The following EFCAB6 variants were observed in gnomAD, a reference collection of about 807,000 sequenced individuals.
EFCAB6 encodes EF-hand calcium-binding domain-containing protein 6.
In EFCAB6, 156 loss-of-function variants were observed where a neutral mutation model predicts 169.8. The observed-to-expected ratio is 0.92, with a 90% CI of 0.81 to 1.05. EFCAB6 has a LOEUF of 1.05. Ranked by LOEUF, EFCAB6 falls within the 50% of genes least tolerant of loss-of-function variation. The probability of loss-of-function intolerance (pLI) is 0.00; values close to 1 mark genes in which losing one functional copy is unlikely to be tolerated. For synonymous variants in EFCAB6, 698 were observed against 676.4 expected (o/e 1.03, Z -0.50); for missense variants, 1,800 against 1,829.1 (o/e 0.98, Z 0.29).
intron 22 of EFCAB6, among the ~76,000 whole-genome samples, chr22:43,602,262 G>T (rs776216592): frequency 2.0e-5 from 3 of 152,210 alleles, no homozygotes; most frequent in Non-Finnish European, 4.4e-5. Context: ...ACCCAGAAAA[G>T]TACACTTCCA....
At chr22:43,561,457 C>A (rs779915254) in intron 26 of EFCAB6, among the ~76,000 whole-genome samples, 1 of 151,974 alleles carries the variant, frequency 6.6e-6, no homozygotes, top group Admixed American at 6.5e-5. Context: ...TCAGCCACCA[C>A]TGTCATTGCC....
At chr22:43,547,764 A>AG (rs2048144430) in intron 27 of EFCAB6, among the ~76,000 whole-genome samples, 1 of 150,202 alleles carries the variant, frequency 6.7e-6, no homozygotes, top group African/African-American at 2.5e-5. Flanking sequence ...AAAAAAAAAA[A>AG]CATAATCCAA....
intron 24 of EFCAB6, among the ~76,000 whole-genome samples, chr22:43,586,538 T>C (rs4823200): frequency 0.74 from 111,231 of 151,320 alleles, 41,022 homozygotes; most frequent in Admixed American, 0.8. Flanking sequence ...TCTGTCAGCA[T>C]GGCTCAATTA....
chr22:43,619,236 G>A (rs1195048980), intron 20 of EFCAB6, among the ~76,000 whole-genome samples: 3 of 152,138 alleles, frequency 2.0e-5, no homozygotes, highest in Non-Finnish European at 2.9e-5. Context: ...CCTGAAGAGC[G>A]CTGCAATGAC....
At chr22:43,732,142 T>G (rs982843273) in intron 7 of EFCAB6, among the ~76,000 whole-genome samples, 1 of 152,190 alleles carries the variant, frequency 6.6e-6, no homozygotes, top group Non-Finnish European at 1.5e-5. Context: ...GGGCTCTGTC[T>G]GCACGGCAGC....
chr22:43,591,472 AAAAG>A (rs2051551988), intron 23 of EFCAB6, among the ~76,000 whole-genome samples: 1 of 136,896 alleles, frequency 7.3e-6, no homozygotes, highest in Admixed American at 7.7e-5. Flanking sequence ...AAAAAAAAAA[AAAAG>A]AAAAGAAAAA....
At chr22:43,555,817 A>C (rs757090203) in intron 26 of EFCAB6, among the ~76,000 whole-genome samples, 2 of 152,124 alleles carry the variant, frequency 1.3e-5, no homozygotes, top group African/African-American at 2.4e-5. Context: ...TGGAGGAGGG[A>C]TGTGCACCTA....
rs567822861 is a variant in EFCAB6 at position 43,683,781 on chromosome 22, G to A, written c.1217C>T (p.Ala406Val). The A allele has an allele frequency of 9.3e-6, 15 of 1,613,278 alleles. No individual in the cohort carries two copies. The highest frequency in any genetic ancestry group is 5.5e-5 in the South Asian group (5 of 91,050). ...KLFRHTEDHS[A>V]SLKKALLIIN... Reference sequence around the variant, plus strand: ...TATCAGTAATGCTTTCTTCAGTGACGCAGAGTGATCTTCAGTGTGTCTAAA... The same window carrying A: ...TATCAGTAATGCTTTCTTCAGTGACACAGAGTGATCTTCAGTGTGTCTAAA... The change falls in exon 12 of 32, where the codon GCG (alanine) becomes GTG (valine). Residue 406 changes from alanine (A) to valine (V), a missense_variant. Transcript: ENST00000262726.
chr22:43,636,210 G>A (rs2055384281), intron 17 of EFCAB6, among the ~76,000 whole-genome samples: 1 of 152,186 alleles, frequency 6.6e-6, no homozygotes, highest in Admixed American at 6.5e-5. Flanking sequence ...AGTGTGTTGA[G>A]GGGTGAGGAA....
intron 8 of EFCAB6, among the ~76,000 whole-genome samples, chr22:43,723,764 C>T (rs575592140): frequency 2.0e-4 from 30 of 152,316 alleles, no homozygotes; most frequent in African/African-American, 7.0e-4. Flanking sequence ...CAGTGTGCTG[C>T]CACCAAGCTT....
intron 28 of EFCAB6, among the ~76,000 whole-genome samples, chr22:43,539,485 A>C (rs2047568095): frequency 6.6e-6 from 1 of 152,238 alleles, no homozygotes; most frequent in Non-Finnish European, 1.5e-5. Flanking sequence ...AAGGTCACGC[A>C]TAGTGATGGT....
At chr22:43,737,853 A>G (rs2060212034) in intron 6 of EFCAB6, among the ~76,000 whole-genome samples, 1 of 148,016 alleles carries the variant, frequency 6.8e-6, no homozygotes, top group South Asian at 2.1e-4. Context: ...ATATTCTCAC[A>G]CATACATACA....
At chr22:43,609,310 G>A (rs2053144377) in intron 21 of EFCAB6, among the ~76,000 whole-genome samples, 3 of 152,152 alleles carry the variant, frequency 2.0e-5, no homozygotes, top group African/African-American at 4.8e-5. Flanking sequence ...ATTGTACTGC[G>A]GGGTCTCAGC....
rs150752335 is a variant in EFCAB6, at chr22:43,772,928, C to A, written c.315G>T (p.Pro105=). ...LRRIITDFLM[P]LTREQFQDVL... ...CGTCCTGAAACTGTTCTCGTGTGAG[C>A]GGCATCAGGAAGTCTGTGATGATTC... Residue 105 remains proline, a synonymous_variant, in exon 4 of 32, where the codon CCG becomes CCT. Transcript: ENST00000262726. The A allele has an allele frequency of 1.9e-6, 3 of 1,614,146 alleles. No individual in the cohort carries two copies. The highest frequency in any genetic ancestry group is 1.1e-5 in the South Asian group (1 of 91,068).
intron 15 of EFCAB6, among the ~76,000 whole-genome samples, chr22:43,670,227 C>T (rs1306825384): frequency 6.6e-6 from 1 of 152,188 alleles, no homozygotes; most frequent in East Asian, 1.9e-4. Context: ...CTTGTTTCTG[C>T]AATGACACTT....
In EFCAB6 at chr22:43,632,116, C is replaced by A. The variant is rs768195828; in HGVS notation, c.2221G>T (p.Glu741Ter). 7.4e-6 allele frequency: 12 copies of A among 1,614,012 alleles called. No individual in the cohort carries two copies. The highest frequency in any genetic ancestry group is 1.0e-5 in the Non-Finnish European group (12 of 1,179,938). ...CAGTCACGGTTTACCCGGAATGACT[C>A]CTTCAGCCTCCTAGGGAAAAGCTTC... The part of the protein sequence containing the change: ...CLKLFPRRLK[E>*]SFRDPYSAFF... The change falls in exon 19 of 32, where the codon GAG becomes TAG. Residue 741 changes from glutamate to a stop codon, truncating the protein, a stop_gained. Coordinates refer to ENST00000262726, the MANE Select transcript of EFCAB6 (RefSeq NM_022785.4). LOFTEE classifies it high-confidence loss of function.
intron 27 of EFCAB6, among the ~76,000 whole-genome samples, chr22:43,551,245 G>GT (rs1386096383): frequency 6.6e-6 from 1 of 152,200 alleles, no homozygotes; most frequent in African/African-American, 2.4e-5. Flanking sequence ...CCCCAGCAAA[G>GT]TAACTCATGC....
At chr22:43,666,111 A>G (rs2057235670) in intron 17 of EFCAB6, among the ~76,000 whole-genome samples, 1 of 152,124 alleles carries the variant, frequency 6.6e-6, no homozygotes, top group African/African-American at 2.4e-5. Flanking sequence ...CTTATGTCCT[A>G]TCCCTCATTT....
chr22:43,548,793 G>A (rs898151705), intron 27 of EFCAB6, among the ~76,000 whole-genome samples: 1 of 151,986 alleles, frequency 6.6e-6, no homozygotes, highest in Non-Finnish European at 1.5e-5. Context: ...TAAATAACAA[G>A]CTTTTACTCA....
Sources: allele counts gnomAD v4.1 joint callset (sites outside exome capture counted in the v4.1 genomes callset), GRCh38; gene constraint gnomAD v4.1.1; transcripts MANE v1.5; gene names NCBI Gene and HGNC (gene_info 2026-07-23, HGNC 2026-07-21).